AFDN: variants seen among roughly 807,000 people sequenced by gnomAD.
AFDN encodes the protein afadin, adherens junction formation factor.
A neutral mutation model predicts 216.6 loss-of-function variants in AFDN; 68 were observed. That is an observed-to-expected ratio of 0.31 (90% CI 0.26 to 0.38). AFDN has a LOEUF of 0.38. AFDN is among the 10% of genes least tolerant of loss of function. The pLI, the probability that AFDN is intolerant of heterozygous loss-of-function variation, is 1.00. For synonymous variants in AFDN, 868 were observed against 853.7 expected, an observed-to-expected ratio of 1.02 and a Z score of -0.29; for missense variants, 2,136 against 2,342.0, an observed-to-expected ratio of 0.91 and a Z score of 1.82.
intron 29 of AFDN, 84 bp downstream of exon 29, chr6:167,948,562 A>G: frequency 1.1e-5 from 14 of 1,311,334 alleles, no homozygotes; most frequent in Non-Finnish European, 1.5e-5. Context: ...TATTTTCTAT[A>G]GAACAGCATT....
intron 13 of AFDN, among the ~76,000 whole-genome samples, chr6:167,910,871 G>C (rs1790294227): frequency 6.6e-6 from 1 of 152,152 alleles, no homozygotes; most frequent in South Asian, 2.1e-4. Flanking sequence ...TGCTGTCATG[G>C]CGGCGGCATA....
intron 31 of AFDN, chr6:167,963,492 G>A: frequency 9.5e-7 from 1 of 1,054,320 alleles, no homozygotes; most frequent in East Asian, 5.4e-5. Context: ...ACTGTTCACA[G>A]AAAAGAACTT....
intron 6 of AFDN, among the ~76,000 whole-genome samples, chr6:167,883,649 G>A (rs184896386): frequency 4.4e-4 from 67 of 152,310 alleles, no homozygotes; most frequent in Non-Finnish European, 7.2e-4. Context: ...GTAGCATTGT[G>A]TTTAAGAAAA....
Position 167,969,981 on chromosome 6 carries a change from G to C in AFDN, c.*46G>C. 6.5e-7 allele frequency: 1 copy of C among 1,534,124 alleles called. No individual in the cohort carries two copies. The highest frequency in any genetic ancestry group is 2.4e-5 in the East Asian group (1 of 41,598). ...TTGTATTTACCCCAAAATCTTTTCA[G>C]TTGTGGGTTTGTAGGTGCGAGTTTG... On this transcript the variant is annotated 3_prime_UTR_variant, in exon 34 of 34. Transcript: ENST00000683244.
In AFDN at chr6:167,907,154, G is replaced by A. The variant is rs551581401; in HGVS notation, c.1651-17G>A. Reference sequence around the variant, plus strand: ...CTGTGTGAGGTTCTAAACCCGTTGTGCTTTCTCTCCATGTAGAGCACCACT... The same window carrying A: ...CTGTGTGAGGTTCTAAACCCGTTGTACTTTCTCTCCATGTAGAGCACCACT... On this transcript the variant is annotated splice_polypyrimidine_tract_variant and intron_variant, in intron 12 of 33. Coordinates refer to ENST00000683244, the MANE Select transcript of AFDN (RefSeq NM_001386888.1). 1.2e-6 allele frequency: 2 copies of A among 1,604,104 alleles called. No individual in the cohort carries two copies. The highest frequency in any genetic ancestry group is 3.3e-5 in the Admixed American group (2 of 59,704).
At chr6:167,844,865 T>G (rs1583129518) in intron 1 of AFDN, among the ~76,000 whole-genome samples, 1 of 146,424 alleles carries the variant, frequency 6.8e-6, no homozygotes, top group Non-Finnish European at 1.5e-5. Flanking sequence ...TTTTTTTTTT[T>G]TTTTTGGTTT....
chr6:167,872,537 T>TA (rs1439314322), intron 4 of AFDN, among the ~76,000 whole-genome samples, 160 bp downstream of exon 4: 1 of 152,196 alleles, frequency 6.6e-6, no homozygotes, highest in African/African-American at 2.4e-5. Context: ...GGAGGGAGGA[T>TA]AGAGGGTCTT....
intron 1 of AFDN, among the ~76,000 whole-genome samples, chr6:167,840,249 T>A (rs1268390551): frequency 6.6e-6 from 1 of 152,218 alleles, no homozygotes; most frequent in Non-Finnish European, 1.5e-5. Context: ...ACATTCAATT[T>A]GGTTGAATCT....
intron 23 of AFDN, among the ~76,000 whole-genome samples, chr6:167,927,323 C>T (rs1360101652): frequency 5.3e-5 from 8 of 151,964 alleles, no homozygotes; most frequent in African/African-American, 1.4e-4. Context: ...ATAGAAGAAA[C>T]GAGTCTTGTG....
chr6:167,933,068 T>C (rs1335402881), intron 23 of AFDN, among the ~76,000 whole-genome samples: 2 of 152,224 alleles, frequency 1.3e-5, no homozygotes, highest in African/African-American at 2.4e-5. Context: ...ACTGCCGCTA[T>C]GTAACTTGCT....
intron 1 of AFDN, among the ~76,000 whole-genome samples, chr6:167,836,111 G>A (rs949274946): frequency 1.4e-4 from 21 of 152,120 alleles, no homozygotes; most frequent in African/African-American, 4.8e-4. Context: ...TGTGACTTGA[G>A]AATACTGGCC....
At chr6:167,844,576 T>C (rs953498538) in intron 1 of AFDN, among the ~76,000 whole-genome samples, 1 of 152,188 alleles carries the variant, frequency 6.6e-6, no homozygotes, top group African/African-American at 2.4e-5. Context: ...CACATATCTT[T>C]CTATACTTGG....
At chr6:167,856,608 G>A (rs1489159324) in intron 1 of AFDN, among the ~76,000 whole-genome samples, 3 of 152,060 alleles carry the variant, frequency 2.0e-5, no homozygotes, top group African/African-American at 7.2e-5. Context: ...CCATGTATTT[G>A]AAGAAAGTAA....
At chr6:167,891,448 TGTGG>T (rs1787593524) in intron 8 of AFDN, among the ~76,000 whole-genome samples, 1 of 151,126 alleles carries the variant, frequency 6.6e-6, no homozygotes, top group Non-Finnish European at 1.5e-5. Flanking sequence ...TGTGTGTGTG[TGTGG>T]CTGTTGTTTC....
At chr6:167,838,005 A>G (rs1780639616) in intron 1 of AFDN, among the ~76,000 whole-genome samples, 2 of 152,230 alleles carry the variant, frequency 1.3e-5, no homozygotes, top group Non-Finnish European at 1.5e-5. Context: ...TACATGATGT[A>G]TTGATTTTCA....
Position 167,913,435 on chromosome 6 carries a change from G to C in AFDN, c.2058+12G>C. The C allele has an allele frequency of 2.0e-6, 3 of 1,535,812 alleles. No individual in the cohort carries two copies. Among genetic ancestry groups the C allele is most frequent in the Non-Finnish European group, 2.6e-6 (3 of 1,146,670 alleles). ...ACCAGGTTGACCAGGTAGGACATCT[G>C]CTGGGAGCTGATCCTAGCTGTGTTG... On this transcript the variant is annotated intron_variant, in intron 16 of 33. Transcript: ENST00000683244.
chr6:167,944,547 G>A (rs1296546666), intron 26 of AFDN, among the ~76,000 whole-genome samples: 3 of 152,182 alleles, frequency 2.0e-5, no homozygotes, highest in South Asian at 2.1e-4. Context: ...CTGAGATAAG[G>A]CATGATGATC....
Position 167,951,179 on chromosome 6 carries a change from T to C in AFDN, c.3832-7T>C. On this transcript the variant is annotated splice_region_variant and splice_polypyrimidine_tract_variant and intron_variant, in intron 29 of 33. Transcript: ENST00000683244. This position sits in a 1 kb window ranked among gnomAD's most constrained non-coding sequence, Gnocchi z 7.1. The stretch of plus-strand genomic sequence containing the variant: ...CTGAAATATAATAATTCTTTTTCTT[T>C]TTGCAGCGTGTTACACGTTCCCAAG... 1 of 1,521,530 alleles carries C rather than the reference T, an allele frequency of 6.6e-7. No homozygotes were observed. The highest frequency in any genetic ancestry group is 1.4e-5 in the African/African-American group (1 of 71,764). The allele number at this position is 1,521,530 out of a possible 1,614,324, so 94.3% of individuals were successfully genotyped here.
intron 13 of AFDN, among the ~76,000 whole-genome samples, chr6:167,909,011 G>A (rs1790060695): frequency 6.6e-6 from 1 of 151,990 alleles, no homozygotes; most frequent in African/African-American, 2.4e-5. Flanking sequence ...TTTTATCAAT[G>A]ACAATGTAAA....
Sources: gnomAD v4.1 joint callset for allele counts (sites outside exome capture counted in the v4.1 genomes callset) on GRCh38, gnomAD v4.1.1 for gene constraint, Gnocchi (gnomAD v3.1) non-coding constraint, MANE v1.5 for transcripts, NCBI Gene and HGNC (gene_info 2026-07-23, HGNC 2026-07-21) for gene names.